Variants in XRN2 observed in about 807,000 individuals in gnomAD.
XRN2 encodes DHM1-like protein.
A neutral mutation model predicts 138.5 loss-of-function variants in XRN2; 44 were observed. That is an observed-to-expected ratio of 0.32 (90% CI 0.25 to 0.41). The LOEUF (loss-of-function observed/expected upper bound fraction) is 0.41. Ranked by LOEUF, XRN2 falls within the 10% of genes least tolerant of loss-of-function variation. The pLI is 1.00. For synonymous variants in XRN2, 354 were observed against 369.4 expected (o/e 0.96, Z 0.48); for missense variants, 937 against 1,169.3 (o/e 0.80, Z 2.90).
At chr20:21,372,834 G>T (rs1372993873) in intron 27 of XRN2, among the ~76,000 whole-genome samples, 3 of 151,388 alleles carry the variant, frequency 2.0e-5, no homozygotes, top group African/African-American at 7.3e-5. Context: ...CCCATTAAAG[G>T]GAACCAGTAT....
intron 13 of XRN2, among the ~76,000 whole-genome samples, chr20:21,336,973 C>G (rs1005102675): frequency 3.9e-5 from 6 of 152,284 alleles, no homozygotes; most frequent in Middle Eastern, 3.4e-3. Context: ...TCAGGATGTT[C>G]ACAGAACACA....
intron 6 of XRN2, 95 bp from the exon 7 acceptor site, chr20:21,331,466 C>G: frequency 9.7e-7 from 1 of 1,035,926 alleles, no homozygotes; most frequent in Non-Finnish European, 1.5e-6. Context: ...TCCCGTAACA[C>G]TTATCTCAGT....
At chr20:21,368,321 A>C (rs1462003914) in intron 26 of XRN2, 142 bp from the exon 27 acceptor site, 1 of 986,508 alleles carries the variant, frequency 1.0e-6, no homozygotes, top group African/African-American at 1.7e-5. Context: ...CTTTAATTAT[A>C]AACCACCTTT....
intron 17 of XRN2, among the ~76,000 whole-genome samples, 162 bp downstream of exon 17, chr20:21,346,712 C>G (rs572113636): frequency 5.3e-5 from 8 of 152,052 alleles, no homozygotes; most frequent in Admixed American, 1.3e-4. Flanking sequence ...CTCTGCCTCC[C>G]AGGTTCAAGC....
intron 29 of XRN2, 143 bp downstream of exon 29, chr20:21,387,149 T>C (rs930707510): frequency 8.8e-7 from 1 of 1,141,282 alleles, no homozygotes; most frequent in African/African-American, 1.6e-5. Flanking sequence ...GGGTCTGTCA[T>C]TAAAAATGTA....
At chr20:21,382,817 T>C (rs571687991) in intron 28 of XRN2, among the ~76,000 whole-genome samples, 13 of 152,362 alleles carry the variant, frequency 8.5e-5, no homozygotes, top group African/African-American at 2.6e-4. Context: ...ATCTGTAGAA[T>C]AATTTTTAAA....
chr20:21,370,317 AG>A (rs1233269261), intron 27 of XRN2, among the ~76,000 whole-genome samples: 2 of 152,144 alleles, frequency 1.3e-5, no homozygotes, highest in African/African-American at 4.8e-5. Flanking sequence ...CTTTTTGCTC[AG>A]GATAACTTTG....
chr20:21,331,728 A>T, intron 7 of XRN2, 40 bp from the exon 8 acceptor site: 1 of 1,588,952 alleles, frequency 6.3e-7, no homozygotes, highest in Non-Finnish European at 8.6e-7. Flanking sequence ...CTTGTGGTAT[A>T]TAATATATTA....
At chr20:21,336,415 T>A (rs1600689759) in intron 13 of XRN2, among the ~76,000 whole-genome samples, 1 of 152,150 alleles carries the variant, frequency 6.6e-6, no homozygotes, top group East Asian at 1.9e-4. Context: ...TGAGCTGGGA[T>A]CATGCTACTG....
intron 27 of XRN2, among the ~76,000 whole-genome samples, chr20:21,381,285 G>A (rs904755346): frequency 1.3e-5 from 2 of 152,148 alleles, no homozygotes; most frequent in African/African-American, 2.4e-5. Flanking sequence ...AGCAGACCCC[G>A]CTGAAGGTGA....
chr20:21,328,866 T>G (rs1395604106), intron 4 of XRN2, among the ~76,000 whole-genome samples, 196 bp downstream of exon 4: 1 of 152,196 alleles, frequency 6.6e-6, no homozygotes, highest in East Asian at 1.9e-4. Flanking sequence ...TTTCAAACTC[T>G]CCAGTAAGAG....
chr20:21,366,209 T>TAA (rs2038700643), intron 26 of XRN2, among the ~76,000 whole-genome samples: 1 of 131,880 alleles, frequency 7.6e-6, no homozygotes. Context: ...TTTATATATA[T>TAA]AATATAGTTT....
rs1464911653 is a variant in XRN2, at chr20:21,356,616, G to A, written c.2149G>A (p.Gly717Arg). Residue 717 changes from glycine (G) to arginine (R), a missense_variant, in exon 23 of 30, where the codon GGG (glycine) becomes AGG (arginine). Coordinates refer to ENST00000377191, the MANE Select transcript of XRN2 (RefSeq NM_012255.5). ...PVEVPPELCH[G>R]IQGKFSLDEE... ...GGAGGTACCCCCTGAACTATGTCAT[G>A]GGATTCAAGGAAAGTTTTCTTTGGA... 6.2e-6 allele frequency: 10 copies of A among 1,613,636 alleles called. No homozygotes were observed. Among genetic ancestry groups the A allele is most frequent in the Non-Finnish European group, 8.5e-6 (10 of 1,179,728 alleles).
At position 21,354,770 on chromosome 20, in the gene XRN2, T is replaced by C. The variant is rs1375643466; in HGVS notation, c.1937-19T>C. The C allele has an allele frequency of 1.2e-6, 2 of 1,612,904 alleles. No homozygotes were observed. Among genetic ancestry groups the C allele is most frequent in the Admixed American group, 1.7e-5 (1 of 59,920 alleles). On this transcript the variant is annotated intron_variant, in intron 20 of 29. Coordinates refer to ENST00000377191, the MANE Select transcript of XRN2 (RefSeq NM_012255.5). ...TGATCCTGGTAGCAGGGGTGGTTCA[T>C]TTGCACTTGTTTTTTCAGGTGTTGC...
chr20:21,355,579 T>G (rs947406156), intron 21 of XRN2, among the ~76,000 whole-genome samples: 2 of 152,186 alleles, frequency 1.3e-5, no homozygotes, highest in Admixed American at 6.5e-5. Flanking sequence ...TTGCAGTATA[T>G]TCATACGTAT....
rs146675940 is a variant in XRN2 at position 21,338,060 on chromosome 20, T to G, written c.1234-984T>G. ...GCTCCACTTTAGAGCAGGAGACTTATGTATCCGGCATTCAGCTTTTTGCCT... is the reference window on the plus strand; with the variant it reads ...GCTCCACTTTAGAGCAGGAGACTTAGGTATCCGGCATTCAGCTTTTTGCCT... On this transcript the variant is annotated intron_variant, in intron 13 of 29. Transcript: ENST00000377191. Among the ~76,000 whole-genome samples the G allele has an allele frequency of 3.8e-3, 586 of 152,290 alleles. 6 individuals carry two copies. The highest frequency in any genetic ancestry group is 0.014 in the African/African-American group (564 of 41,562).
chr20:21,348,059 G>T, intron 17 of XRN2, 87 bp from the exon 18 acceptor site: 2 of 1,051,446 alleles, frequency 1.9e-6, no homozygotes, highest in Non-Finnish European at 2.6e-6. Flanking sequence ...AATATTATAG[G>T]TTAACAGTCT....
At chr20:21,317,491 T>C (rs1262335779) in intron 1 of XRN2, among the ~76,000 whole-genome samples, 1 of 152,194 alleles carries the variant, frequency 6.6e-6, no homozygotes, top group East Asian at 1.9e-4. Context: ...AATATATTGC[T>C]GGCTTCTGTT....
At chr20:21,321,864 A>G (rs1037806397) in intron 1 of XRN2, among the ~76,000 whole-genome samples, 1 of 152,140 alleles carries the variant, frequency 6.6e-6, no homozygotes, top group African/African-American at 2.4e-5. Context: ...TTCTGATAAG[A>G]CTTTATTTAG....
Sources: gnomAD v4.1 joint callset for allele counts (sites outside exome capture counted in the v4.1 genomes callset) on GRCh38, gnomAD v4.1.1 for gene constraint, MANE v1.5 for transcripts, NCBI Gene and HGNC (gene_info 2026-07-23, HGNC 2026-07-21) for gene names.